The following KIFC2 variants were observed in gnomAD, a reference collection of about 807,000 sequenced individuals.
KIFC2 encodes the protein kinesin family member C2.
In KIFC2, 94 loss-of-function variants were observed where a neutral mutation model predicts 91.5. That is an observed-to-expected ratio of 1.03 (90% CI 0.87 to 1.22). The LOEUF is 1.22. Among genes scored for constraint, KIFC2 ranks in the 50% most tolerant of loss-of-function variants. The pLI is 0.00. For missense variants in KIFC2, 1,357 were observed against 1,103.3 expected (o/e 1.23, Z -3.26); for synonymous variants, 729 against 503.9 (o/e 1.45, Z -5.98).
intron 12 of KIFC2, among the ~76,000 whole-genome samples, 169 bp from the exon 13 acceptor site, chr8:144,471,773 G>C (rs1172169353): frequency 6.6e-6 from 1 of 152,086 alleles, no homozygotes; most frequent in Non-Finnish European, 1.5e-5. Context: ...TCTCTAGGGA[G>C]ACAGAGGGTC....
chr8:144,473,621 T>A lies in KIFC2; in HGVS notation c.*232T>A. 1 of 555,802 alleles carries A rather than the reference T, an allele frequency of 1.8e-6. No homozygotes were observed. The highest frequency in any genetic ancestry group is 3.5e-5 in the East Asian group (1 of 28,650). The allele number at this position is 555,802 out of a possible 1,614,324, so 34.4% of individuals were successfully genotyped here. A position where few individuals can be genotyped will look rare whatever the true frequency, so the allele number is the denominator to read the frequency against. The stretch of plus-strand genomic sequence containing the variant: ...CCTGCATCAGGCCACAGGTCTTGGC[T>A]TTCTCCTTATCACCATTTGCTGTTA... On this transcript the variant is annotated 3_prime_UTR_variant, in exon 18 of 18. Transcript: ENST00000645548.
chr8:144,472,282 CCTT>C (rs1564749917), intron 14 of KIFC2, 23 bp downstream of exon 14: 2 of 1,613,312 alleles, frequency 1.2e-6, no homozygotes, highest in South Asian at 2.2e-5. Context: ...ACCAGGGAGG[CCTT>C]CTCCCCACCC....
At chr8:144,469,668 C>G (rs750788903) in intron 12 of KIFC2, 21 bp downstream of exon 12, 2 of 1,561,870 alleles carry the variant, frequency 1.3e-6, no homozygotes, top group African/African-American at 2.7e-5. Flanking sequence ...GCCTTTGCAG[C>G]CATCCTGACC....
rs1356621318 is a variant in KIFC2, at chr8:144,473,042, G to A, written c.2109G>A (p.Leu703=). The A allele has an allele frequency of 2.1e-6, 3 of 1,418,748 alleles. No individual in the cohort carries two copies. Among genetic ancestry groups the A allele is most frequent in the South Asian group, 3.1e-5 (2 of 65,354 alleles). 87.9% of individuals were successfully genotyped at this position (1,418,748 alleles called of 1,614,324 possible). Reference sequence around the variant, plus strand: ...TGGGCCCAGGCACCACCGCGGTGCTGCTGCTGCAGGTGGGCGCCGGGGCGG... The same window carrying A: ...TGGGCCCAGGCACCACCGCGGTGCTACTGCTGCAGGTGGGCGCCGGGGCGG... The part of the protein sequence containing the change: ...PALGPGTTAV[L]LLQISTRPED... The change falls in exon 17 of 18, where the codon CTG becomes CTA. Residue 703 remains leucine, a synonymous_variant. Transcript: ENST00000645548.
In KIFC2 at chr8:144,473,631, T is replaced by C. The variant is rs1226955316; in HGVS notation, c.*242T>C. On this transcript the variant is annotated 3_prime_UTR_variant, in exon 18 of 18. Coordinates refer to ENST00000645548, the MANE Select transcript of KIFC2 (RefSeq NM_001369769.2). ...GCCACAGGTCTTGGCTTTCTCCTTA[T>C]CACCATTTGCTGTTATCACGGCACA... 3 of 538,438 alleles carry C rather than the reference T, an allele frequency of 5.6e-6. No homozygotes were observed. The highest frequency in any genetic ancestry group is 9.2e-6 in the Non-Finnish European group (3 of 325,400). 33.4% of individuals were successfully genotyped at this position (538,438 alleles called of 1,614,324 possible).
intron 12 of KIFC2, among the ~76,000 whole-genome samples, chr8:144,471,344 C>T (rs985053522): frequency 1.3e-5 from 2 of 148,200 alleles, no homozygotes; most frequent in Admixed American, 6.8e-5. Context: ...GACAGTCACA[C>T]TTTGTCATCA....
intron 1 of KIFC2, 115 bp from the exon 2 acceptor site, chr8:144,466,645 G>A: frequency 4.0e-6 from 4 of 1,011,426 alleles, no homozygotes; most frequent in Non-Finnish European, 5.3e-6. Context: ...CCTCGGCTCG[G>A]CCCCGATGCT....
At position 144,467,569 on chromosome 8, in the gene KIFC2, C is replaced by T. The variant is rs74750868; in HGVS notation, c.554C>T (p.Pro185Leu). The change falls in exon 5 of 18, where the codon CCC (proline) becomes CTC (leucine). Residue 185 changes from proline to leucine, a missense_variant. Pro to Leu is a moderately conservative substitution (Grantham distance 98, BLOSUM62 -3). Coordinates refer to ENST00000645548, the MANE Select transcript of KIFC2 (RefSeq NM_001369769.2). ...GGGGATGAGACCCAGGGACAGCAGCCCCTCCAGTTGGAGGAGGATCAGAGG... is the reference window on the plus strand; with the variant it reads ...GGGGATGAGACCCAGGGACAGCAGCTCCTCCAGTTGGAGGAGGATCAGAGG... ...PLGDETQGQQPLQLEEDQRAW... is the reference protein window; with the variant it reads ...PLGDETQGQQLLQLEEDQRAW... 4.4e-4 allele frequency: 699 copies of T among 1,605,554 alleles called. 2 individuals carry two copies. The East Asian group carries it at 0.011, about 25-fold the overall frequency.
At chr8:144,470,225 CAG>C (rs1236067323) in intron 12 of KIFC2, among the ~76,000 whole-genome samples, 15 of 151,816 alleles carry the variant, frequency 9.9e-5, no homozygotes, top group East Asian at 5.8e-4. Flanking sequence ...CTCACAGGGA[CAG>C]GGGGACGACT....
chr8:144,473,690 T>C lies in KIFC2; in HGVS notation c.*301T>C, dbSNP rs879837025. 1.2e-5 allele frequency: 6 copies of C among 482,608 alleles called. No homozygotes were observed. Among genetic ancestry groups the C allele is most frequent in the Non-Finnish European group, 2.2e-5 (6 of 278,840 alleles). 29.9% of individuals were successfully genotyped at this position (482,608 alleles called of 1,614,324 possible). On this transcript the variant is annotated 3_prime_UTR_variant, in exon 18 of 18. Coordinates refer to ENST00000645548, the MANE Select transcript of KIFC2 (RefSeq NM_001369769.2). ...AATCCCAGGCCCCCCCGCCAAGTGG[T>C]TACCCAAGTCACCACTCCTGACCCA...
At chr8:144,470,140 G>T (rs1824870753) in intron 12 of KIFC2, among the ~76,000 whole-genome samples, 1 of 152,246 alleles carries the variant, frequency 6.6e-6, no homozygotes, top group South Asian at 2.1e-4. Flanking sequence ...TAGCTAAGGA[G>T]ATGGCAGCTC....
chr8:144,473,335 T>C lies in KIFC2; in HGVS notation c.2322T>C (p.Ser774=). Residue 774 remains serine, a synonymous_variant, in exon 18 of 18, where the codon AGT becomes AGC. Transcript: ENST00000645548. ...CCCCTGGCAGTCCTCCATGCCCCAGTCCCGACAACGGCTCGGGCTCGGCTC... is the reference window on the plus strand; with the variant it reads ...CCCCTGGCAGTCCTCCATGCCCCAGCCCCGACAACGGCTCGGGCTCGGCTC... ...TPSPGSPPCP[S]PDNGSGSALA... 6.3e-7 allele frequency: 1 copy of C among 1,598,700 alleles called. No homozygotes were observed. Among genetic ancestry groups the C allele is most frequent in the Non-Finnish European group, 8.5e-7 (1 of 1,174,274 alleles).
chr8:144,473,580 A>AC lies in KIFC2; in HGVS notation c.*197dup, dbSNP rs1425212753. The AC allele has an allele frequency of 1.4e-5, 11 of 785,474 alleles. No individual in the cohort carries two copies. In the East Asian group the frequency reaches 1.9e-4, roughly 14 times the overall value. The allele number at this position is 785,474 out of a possible 1,614,324, so 48.7% of individuals were successfully genotyped here. A position where few individuals can be genotyped will look rare whatever the true frequency, so the allele number is the denominator to read the frequency against. ...GTGTGTTGTGCCTGCTGAAGTGATCACCCCCCGCCCCCAGCCCTGCATCAG... is the reference window on the plus strand; with the variant it reads ...GTGTGTTGTGCCTGCTGAAGTGATCACCCCCCCGCCCCCAGCCCTGCATCAG... On this transcript the variant is annotated 3_prime_UTR_variant, in exon 18 of 18. Transcript: ENST00000645548.
In KIFC2 at chr8:144,467,478, A is replaced by G. The variant is rs1254597878; in HGVS notation, c.470-7A>G. ...CTTCAGTGCTAACTGGGCCCACCCT[A>G]CTCCAGGATCCACATCCCAAGAAGA... On this transcript the variant is annotated splice_polypyrimidine_tract_variant and splice_region_variant and intron_variant, in intron 4 of 17. Transcript: ENST00000645548. The G allele has an allele frequency of 1.9e-6, 3 of 1,556,008 alleles. No homozygotes were observed. Among genetic ancestry groups the G allele is most frequent in the African/African-American group, 1.4e-5 (1 of 72,762 alleles).
Position 144,466,773 on chromosome 8 carries a change from C to T in KIFC2, c.113C>T (p.Pro38Leu). 1 of 1,532,576 alleles carries T rather than the reference C, an allele frequency of 6.5e-7. No homozygotes were observed. The highest frequency in any genetic ancestry group is 8.7e-7 in the Non-Finnish European group (1 of 1,146,560). 94.9% of individuals were successfully genotyped at this position (1,532,576 alleles called of 1,614,324 possible). Residue 38 changes from proline (P) to leucine (L), a missense_variant, in exon 2 of 18, where the codon CCC becomes CTC. Pro to Leu is a moderately conservative substitution (Grantham distance 98). Coordinates refer to ENST00000645548, the MANE Select transcript of KIFC2 (RefSeq NM_001369769.2). ...CCCCCTCCCTAGAGAGCCCGCAAGCCCCGGGGTCGCCGGCGCCCAGACCTG... is the reference window on the plus strand; with the variant it reads ...CCCCCTCCCTAGAGAGCCCGCAAGCTCCGGGGTCGCCGGCGCCCAGACCTG... ...PGDPAQRARK[P>L]RGRRRPDLPA...
intron 15 of KIFC2, 28 bp from the exon 16 acceptor site, chr8:144,472,549 C>T (rs1824972484): frequency 6.2e-7 from 1 of 1,611,920 alleles, no homozygotes; most frequent in African/African-American, 1.3e-5. Context: ...GACCCTGCAC[C>T]TGACCAGCCC....
intron 10 of KIFC2, among the ~76,000 whole-genome samples, 176 bp from the exon 11 acceptor site, chr8:144,469,095 C>T (rs780116054): frequency 9.2e-5 from 14 of 152,338 alleles, no homozygotes; most frequent in Admixed American, 2.6e-4. Flanking sequence ...CATTCCTGGG[C>T]TTTATCCTGG....
rs1299162573 is a variant in KIFC2, at chr8:144,473,066, G to A, written c.2118+15G>A. The stretch of plus-strand genomic sequence containing the variant: ...TGCTGCTGCAGGTGGGCGCCGGGGC[G>A]GGGCAGGTGTGTGCGTGCCGGTCGC... On this transcript the variant is annotated intron_variant, in intron 17 of 17. Transcript: ENST00000645548. 1.2e-5 allele frequency: 17 copies of A among 1,440,698 alleles called. No individual in the cohort carries two copies. Among genetic ancestry groups the A allele is most frequent in the East Asian group, 2.9e-5 (1 of 34,318 alleles). 89.2% of individuals were successfully genotyped at this position (1,440,698 alleles called of 1,614,324 possible).
At chr8:144,468,027 GGC>G in intron 7 of KIFC2, 40 bp downstream of exon 7, 1 of 1,498,988 alleles carries the variant, frequency 6.7e-7, no homozygotes. Flanking sequence ...TGCAGCCTGG[GGC>G]TCTTGCACAC....
Sources: allele counts gnomAD v4.1 joint callset (sites outside exome capture counted in the v4.1 genomes callset), GRCh38; gene constraint gnomAD v4.1.1; transcripts MANE v1.5; gene names NCBI Gene and HGNC (gene_info 2026-07-23, HGNC 2026-07-21).